EBF1: variants seen among roughly 807,000 people sequenced by gnomAD.
EBF1 encodes the protein EBF transcription factor 1.
In EBF1, 10 loss-of-function variants were observed where a neutral mutation model predicts 68.4. That is an observed-to-expected ratio of 0.15 (90% CI 0.09 to 0.25). The LOEUF is 0.25. Among genes scored for constraint, EBF1 ranks in the 10% least tolerant of loss-of-function variants. The pLI, the probability that EBF1 is intolerant of heterozygous loss-of-function variation, is 1.00. For synonymous variants in EBF1, 298 were observed against 299.8 expected, an observed-to-expected ratio of 0.99 and a Z score of 0.06; for missense variants, 509 against 794.4, an observed-to-expected ratio of 0.64 and a Z score of 4.32.
chr5:158,875,727 G>T (rs1797696775), intron 6 of EBF1, among the ~76,000 whole-genome samples: 1 of 152,180 alleles, frequency 6.6e-6, no homozygotes, highest in African/African-American at 2.4e-5. Flanking sequence ...TGTGCTATTT[G>T]AATAAGAGTT....
chr5:158,975,459 T>G (rs982570433), intron 6 of EBF1, among the ~76,000 whole-genome samples: 3 of 152,128 alleles, frequency 2.0e-5, no homozygotes, highest in Non-Finnish European at 4.4e-5. Flanking sequence ...TCTTCATATA[T>G]TTTCCAACTT....
Position 158,712,236 on chromosome 5 carries a change from G to A in EBF1, c.1467C>T (p.Asn489=), listed in dbSNP as rs1198772077. ...TNYNSVTTSM[N]GYGSAAMSNL... ...TGGACATTGCGGCAGAGCCGTATCC[G>A]TTCATGCTCGTGGTGACGGAGTTAT... The change falls in exon 14 of 16, where the codon AAC becomes AAT. Residue 489 remains asparagine, a synonymous_variant. Transcript: ENST00000313708. 13 of 1,613,806 alleles carry A rather than the reference G, an allele frequency of 8.1e-6. No individual in the cohort carries two copies. Among genetic ancestry groups the A allele is most frequent in the African/African-American group, 6.7e-5 (5 of 74,952 alleles).
At chr5:158,995,555 G>A (rs1761229179) in intron 6 of EBF1, among the ~76,000 whole-genome samples, 1 of 152,174 alleles carries the variant, frequency 6.6e-6, no homozygotes, top group African/African-American at 2.4e-5. Context: ...ACCCCTCAGT[G>A]TGGTGTTGAG....
chr5:159,025,254 C>G lies in EBF1; in HGVS notation c.554+48142G>C, dbSNP rs187272844. Among the ~76,000 whole-genome samples, 14 of 152,306 alleles carry G rather than the reference C, an allele frequency of 9.2e-5. No individual in the cohort carries two copies. In the East Asian group the frequency reaches 2.7e-3, roughly 29 times the overall value. ...GACATCAGGTGCTAAGCTACCCTGG[C>G]TCTGCTCTTCTTATATTTTACACAG... is the stretch of plus-strand genomic sequence containing the variant. On this transcript the variant is annotated intron_variant, in intron 6 of 15. Coordinates refer to ENST00000313708, the MANE Select transcript of EBF1 (RefSeq NM_024007.5).
chr5:158,831,129 T>C (rs1787463864), intron 7 of EBF1, among the ~76,000 whole-genome samples: 1 of 152,152 alleles, frequency 6.6e-6, no homozygotes, highest in Non-Finnish European at 1.5e-5. Flanking sequence ...GAGGGTGTCA[T>C]TGGTGTTTAG....
intron 15 of EBF1, among the ~76,000 whole-genome samples, chr5:158,701,688 T>C (rs955098573): frequency 9.9e-5 from 15 of 152,204 alleles, no homozygotes; most frequent in African/African-American, 3.6e-4. Flanking sequence ...CCACTGATCT[T>C]CTCAAATGTT....
Position 158,970,428 on chromosome 5 carries a change from CACACTAAA to C in EBF1, c.554+102960_554+102967del, listed in dbSNP as rs1278166367. On this transcript the variant is annotated intron_variant, in intron 6 of 15. Transcript: ENST00000313708. ...GAAAAGGAGTGTTTATGCCAAATTACACACTAAAATAATAATAAAATAACCCAGTTTGT... is the reference window on the plus strand; with the variant it reads ...GAAAAGGAGTGTTTATGCCAAATTACATAATAATAAAATAACCCAGTTTGT... Among the ~76,000 whole-genome samples, 3 of 152,146 alleles carry C rather than the reference CACACTAAA, an allele frequency of 2.0e-5. No individual in the cohort carries two copies. The East Asian group carries it at 5.8e-4, about 29-fold the overall frequency.
chr5:158,832,018 T>C (rs956950013), intron 7 of EBF1, among the ~76,000 whole-genome samples: 2 of 152,190 alleles, frequency 1.3e-5, no homozygotes, highest in Non-Finnish European at 2.9e-5. Context: ...ACTTAGTATG[T>C]TGTCTGACAT....
chr5:158,841,488 A>G (rs1790325127), intron 6 of EBF1, among the ~76,000 whole-genome samples: 1 of 152,224 alleles, frequency 6.6e-6, no homozygotes, highest in East Asian at 1.9e-4. Flanking sequence ...AATGCATTAA[A>G]ATGCTGGTCA....
chr5:158,725,826 TA>T (rs1244804253), intron 11 of EBF1, among the ~76,000 whole-genome samples: 1 of 152,194 alleles, frequency 6.6e-6, no homozygotes, highest in Non-Finnish European at 1.5e-5. Flanking sequence ...TTGTTTTCCA[TA>T]GGGGTTTCAC....
rs17056260 is a variant in EBF1 at position 158,810,100 on chromosome 5, A to G, written c.778+13076T>C. ...TTGACTTTATAGATTTGTTGCACAT[A>G]ATAGTTACTGGAAAAGCACAGCTGG... On this transcript the variant is annotated intron_variant, in intron 8 of 15. Coordinates refer to ENST00000313708, the MANE Select transcript of EBF1 (RefSeq NM_024007.5). Among the ~76,000 whole-genome samples, 694 of 152,278 alleles carry G rather than the reference A, an allele frequency of 4.6e-3. 9 individuals are homozygous for G. The highest frequency in any genetic ancestry group is 0.016 in the African/African-American group (663 of 41,570).
intron 8 of EBF1, among the ~76,000 whole-genome samples, chr5:158,807,701 T>C (rs953999258): frequency 6.6e-6 from 1 of 152,138 alleles, no homozygotes; most frequent in African/African-American, 2.4e-5. Flanking sequence ...TCATGGCCAA[T>C]TCTGCTCCTG....
At chr5:158,976,062 A>G (rs181045298) in intron 6 of EBF1, among the ~76,000 whole-genome samples, 8 of 152,338 alleles carry the variant, frequency 5.3e-5, no homozygotes, top group Admixed American at 2.6e-4. Flanking sequence ...AGCAAAGAGT[A>G]CCTTCAAAGC....
chr5:158,875,092 G>C (rs1156682828), intron 6 of EBF1, among the ~76,000 whole-genome samples: 1 of 124,212 alleles, frequency 8.1e-6, no homozygotes, highest in Non-Finnish European at 1.7e-5. Flanking sequence ...CACACACCAG[G>C]CAGTTTTGGC....
At chr5:158,776,077 T>C (rs994484118) in intron 10 of EBF1, among the ~76,000 whole-genome samples, 5 of 152,148 alleles carry the variant, frequency 3.3e-5, no homozygotes, top group African/African-American at 4.8e-5. Context: ...TTTGTTGGGA[T>C]GGCTGAGCTA....
At chr5:158,774,626 C>T (rs893754744) in intron 10 of EBF1, among the ~76,000 whole-genome samples, 4 of 151,968 alleles carry the variant, frequency 2.6e-5, no homozygotes, top group Non-Finnish European at 4.4e-5. Context: ...AGGAGGGGGC[C>T]GTACATTTGC....
At chr5:158,729,252 C>T (rs925712678) in intron 11 of EBF1, among the ~76,000 whole-genome samples, 27 of 152,206 alleles carry the variant, frequency 1.8e-4, no homozygotes, top group Admixed American at 1.6e-3. Context: ...GGTTGCATAG[C>T]TAGCAAGTGG....
At chr5:158,893,158 G>A (rs1801516396) in intron 6 of EBF1, among the ~76,000 whole-genome samples, 1 of 152,084 alleles carries the variant, frequency 6.6e-6, no homozygotes, top group Admixed American at 6.6e-5. Context: ...TGTTTTCATT[G>A]TTACATTGTT....
intron 7 of EBF1, among the ~76,000 whole-genome samples, chr5:158,825,984 C>T (rs1237597469): frequency 6.6e-6 from 1 of 151,040 alleles, no homozygotes; most frequent in South Asian, 2.1e-4. Flanking sequence ...TAAAAATAGG[C>T]CCATGGTAGG....
Sources: allele counts gnomAD v4.1 joint callset (sites outside exome capture counted in the v4.1 genomes callset), GRCh38; gene constraint gnomAD v4.1.1; transcripts MANE v1.5; gene names NCBI Gene and HGNC (gene_info 2026-07-23, HGNC 2026-07-21).